The following HS2ST1 variants were observed in gnomAD, a reference collection of about 807,000 sequenced individuals.
HS2ST1 encodes the protein heparan sulfate 2-O-sulfotransferase 1.
In HS2ST1, 18 loss-of-function variants were observed where a neutral mutation model predicts 42.9. That is an observed-to-expected ratio of 0.42 (90% CI 0.29 to 0.62). The LOEUF is 0.62. Among genes scored for constraint, HS2ST1 ranks in the 20% least tolerant of loss-of-function variants. HS2ST1 has a pLI of 0.21. For missense variants in HS2ST1, 334 were observed against 433.8 expected, an observed-to-expected ratio of 0.77 and a Z score of 2.04; for synonymous variants, 146 against 152.9, an observed-to-expected ratio of 0.95 and a Z score of 0.33.
intron 1 of HS2ST1, among the ~76,000 whole-genome samples, chr1:87,051,754 A>G (rs573172775): frequency 2.0e-5 from 3 of 152,322 alleles, no homozygotes; most frequent in African/African-American, 7.2e-5. Flanking sequence ...ACTAGTAAAG[A>G]ATTGTAGTTT....
intron 1 of HS2ST1, among the ~76,000 whole-genome samples, chr1:87,050,581 C>T (rs12077001): frequency 0.011 from 1,658 of 152,110 alleles, 32 homozygotes; most frequent in African/African-American, 0.039. Flanking sequence ...CAAATGTTGA[C>T]TCCAGTGTTG....
chr1:87,076,012 A>T (rs1306078769), intron 2 of HS2ST1, among the ~76,000 whole-genome samples: 1 of 152,208 alleles, frequency 6.6e-6, no homozygotes, highest in African/African-American at 2.4e-5. Flanking sequence ...TGGGAACATA[A>T]AACATAAACA....
chr1:86,940,406 A>G (rs1660735717), intron 1 of HS2ST1, among the ~76,000 whole-genome samples: 1 of 152,018 alleles, frequency 6.6e-6, no homozygotes, highest in Non-Finnish European at 1.5e-5. Flanking sequence ...ACAGATGATC[A>G]AAGTTGCATG....
rs566078655 is a variant in HS2ST1 at position 86,948,190 on chromosome 1, A to G, written c.124+33030A>G. Among the ~76,000 whole-genome samples the G allele has an allele frequency of 5.3e-5, 8 of 152,246 alleles. No homozygotes were observed. The South Asian group carries it at 1.0e-3, about 20-fold the overall frequency. ...AGTGCAGGGGGAGAAACATCTCACT[A>G]TATATCTTTTAGGTTTAGAATGCTA... On this transcript the variant is annotated intron_variant, in intron 1 of 6. Transcript: ENST00000370550.
At chr1:87,059,872 T>C (rs1651075043) in intron 1 of HS2ST1, among the ~76,000 whole-genome samples, 1 of 152,234 alleles carries the variant, frequency 6.6e-6, no homozygotes, top group Admixed American at 6.5e-5. Context: ...GAGAGGATTC[T>C]ACTTACAATT....
intron 2 of HS2ST1, among the ~76,000 whole-genome samples, chr1:87,082,660 T>C (rs543132688): frequency 2.0e-5 from 3 of 152,360 alleles, no homozygotes; most frequent in Non-Finnish European, 2.9e-5. Flanking sequence ...GTGGCAGTTA[T>C]AAAGACTTTT....
chr1:86,988,251 A>G (rs934484658), intron 1 of HS2ST1, among the ~76,000 whole-genome samples: 6 of 152,236 alleles, frequency 3.9e-5, no homozygotes, highest in African/African-American at 9.6e-5. Context: ...CACTGAGCCC[A>G]GAACACCCAG....
chr1:87,097,914 G>A lies in HS2ST1; in HGVS notation c.665G>A (p.Cys222Tyr). Residue 222 changes from cysteine (C) to tyrosine (Y), a missense_variant, in exon 5 of 7, where the codon TGT becomes TAT. Transcript: ENST00000370550. ...EKLWLQIPFF[C>Y]GHSSECWNVG... The stretch of plus-strand genomic sequence containing the variant: ...CTCTGGCTTCAAATCCCGTTCTTCT[G>A]TGGCCATAGCTCCGAATGCTGGTAG... 1.2e-6 allele frequency: 2 copies of A among 1,614,024 alleles called. No homozygotes were observed. The highest frequency in any genetic ancestry group is 1.1e-5 in the South Asian group (1 of 91,084).
intron 1 of HS2ST1, among the ~76,000 whole-genome samples, chr1:87,028,542 CAT>C (rs1438807305): frequency 3.9e-5 from 6 of 152,166 alleles, no homozygotes; most frequent in Non-Finnish European, 5.9e-5. Context: ...TGTTTTCCCA[CAT>C]GAGACTGACA....
chr1:87,080,254 T>C (rs140480389), intron 2 of HS2ST1, among the ~76,000 whole-genome samples: 18 of 152,182 alleles, frequency 1.2e-4, no homozygotes, highest in Non-Finnish European at 2.5e-4. Context: ...ACGTCAAGGG[T>C]TATTGTTAAA....
chr1:87,036,402 C>T (rs1650377310), intron 1 of HS2ST1, among the ~76,000 whole-genome samples: 1 of 152,054 alleles, frequency 6.6e-6, no homozygotes, highest in Admixed American at 6.6e-5. Flanking sequence ...GACTTTAAAG[C>T]ACTGTTAATT....
intron 1 of HS2ST1, among the ~76,000 whole-genome samples, chr1:86,965,359 C>A (rs904008162): frequency 3.9e-5 from 6 of 152,048 alleles, no homozygotes; most frequent in African/African-American, 1.4e-4. Context: ...CTTTTCCCCC[C>A]TCTGCACAGC....
chr1:87,003,499 T>G (rs910901217), intron 1 of HS2ST1, among the ~76,000 whole-genome samples: 8 of 152,192 alleles, frequency 5.3e-5, no homozygotes, highest in Admixed American at 3.9e-4. Flanking sequence ...GCACTTAGAG[T>G]TGCATATTCT....
intron 1 of HS2ST1, among the ~76,000 whole-genome samples, chr1:87,027,753 T>A (rs1650125735): frequency 6.6e-6 from 1 of 152,202 alleles, no homozygotes; most frequent in Admixed American, 6.5e-5. Context: ...AGTGGCACGA[T>A]CTTGGCTTAC....
chr1:86,957,734 C>G (rs901356234), intron 1 of HS2ST1, among the ~76,000 whole-genome samples: 1 of 150,312 alleles, frequency 6.7e-6, no homozygotes, highest in Admixed American at 6.6e-5. Context: ...GAATAGTACA[C>G]AGGTATAATT....
At position 86,948,430 on chromosome 1, in the gene HS2ST1, C is replaced by T. The variant is rs553459610; in HGVS notation, c.124+33270C>T. Among the ~76,000 whole-genome samples, 26 of 152,296 alleles carry T rather than the reference C, an allele frequency of 1.7e-4. No individual in the cohort carries two copies. The East Asian group carries it at 3.7e-3, about 21-fold the overall frequency. On this transcript the variant is annotated intron_variant, in intron 1 of 6. Transcript: ENST00000370550. ...CGGCCTGAGTCTAGCTGGGCCTACA[C>T]GCCTGTACCACTGCGCCTGCCAAGT...
chr1:86,916,177 CAG>C (rs1472858509), intron 1 of HS2ST1, among the ~76,000 whole-genome samples: 1 of 152,080 alleles, frequency 6.6e-6, no homozygotes, highest in Non-Finnish European at 1.5e-5. Flanking sequence ...AAAAGAATGA[CAG>C]TGATAAATTT....
chr1:86,990,867 A>C, intron 1 of HS2ST1, among the ~76,000 whole-genome samples: 1 of 64,870 alleles, frequency 1.5e-5, no homozygotes, highest in African/African-American at 5.0e-5. Context: ...TTTAGTAGAG[A>C]TGGGGTTTCT....
At chr1:87,092,488 T>C (rs767467213) in intron 3 of HS2ST1, 43 bp from the exon 4 acceptor site, 19 of 1,466,090 alleles carry the variant, frequency 1.3e-5, no homozygotes, top group East Asian at 7.6e-5. Context: ...CCTAAACAGA[T>C]TGAAAATGTT....
Sources: allele counts gnomAD v4.1 joint callset (sites outside exome capture counted in the v4.1 genomes callset), GRCh38; gene constraint gnomAD v4.1.1; transcripts MANE v1.5; gene names NCBI Gene and HGNC (gene_info 2026-07-23, HGNC 2026-07-21).